Variants in MARCHF11 observed in about 807,000 individuals in gnomAD.
MARCHF11 encodes the protein E3 ubiquitin-protein ligase MARCHF11.
A neutral mutation model predicts 37.3 loss-of-function variants in MARCHF11; 29 were observed. The ratio of observed to expected loss-of-function variants is 0.78; its 90% CI spans 0.58 to 1.06. MARCHF11 has a LOEUF of 1.06. Ranked by LOEUF, MARCHF11 falls within the 50% of genes least tolerant of loss-of-function variation. The pLI, the probability that MARCHF11 is intolerant of heterozygous loss-of-function variation, is 0.00. For missense variants in MARCHF11, 482 were observed against 533.4 expected (o/e 0.90, Z 0.95); for synonymous variants, 233 against 228.0 (o/e 1.02, Z -0.20).
chr5:16,167,505 A>T (rs575586717), intron 2 of MARCHF11, among the ~76,000 whole-genome samples: 1 of 152,094 alleles, frequency 6.6e-6, no homozygotes, highest in Non-Finnish European at 1.5e-5. Flanking sequence ...CTTTGAACTG[A>T]CTGGCTGCAG....
intron 3 of MARCHF11, among the ~76,000 whole-genome samples, chr5:16,076,103 C>A (rs1356045587): frequency 6.6e-6 from 1 of 152,190 alleles, no homozygotes; most frequent in Non-Finnish European, 1.5e-5. Context: ...ATTCCTCTGA[C>A]CTCTTGCTTT....
chr5:16,123,437 T>C (rs952140382), intron 2 of MARCHF11, among the ~76,000 whole-genome samples: 38 of 152,278 alleles, frequency 2.5e-4, no homozygotes, highest in Non-Finnish European at 4.3e-4. Flanking sequence ...TGCTGACACC[T>C]TGACCTCTGA....
At chr5:16,102,562 G>A (rs1451634280) in intron 2 of MARCHF11, among the ~76,000 whole-genome samples, 1 of 152,186 alleles carries the variant, frequency 6.6e-6, no homozygotes, top group East Asian at 1.9e-4. Context: ...ACTATGGCCA[G>A]AGGAGAGTTC....
intron 2 of MARCHF11, among the ~76,000 whole-genome samples, chr5:16,100,747 T>C (rs953948617): frequency 6.6e-6 from 1 of 152,164 alleles, no homozygotes; most frequent in East Asian, 1.9e-4. Flanking sequence ...GGAAGGTATA[T>C]CAGAGCAGCA....
intron 1 of MARCHF11, among the ~76,000 whole-genome samples, 163 bp downstream of exon 1, chr5:16,178,876 G>C (rs1738409880): frequency 1.3e-5 from 2 of 152,232 alleles, no homozygotes; most frequent in African/African-American, 4.8e-5. Context: ...TCACAGGAAG[G>C]GAAAGGGGAA....
intron 2 of MARCHF11, among the ~76,000 whole-genome samples, chr5:16,123,985 C>T (rs573380746): frequency 5.0e-4 from 75 of 151,082 alleles, no homozygotes; most frequent in African/African-American, 1.8e-3. Flanking sequence ...CACTACCTTC[C>T]TCCAAAAAAA....
intron 2 of MARCHF11, among the ~76,000 whole-genome samples, chr5:16,134,630 C>G (rs1307652507): frequency 1.3e-5 from 2 of 152,152 alleles, no homozygotes; most frequent in Non-Finnish European, 2.9e-5. Context: ...AAAAAATTAT[C>G]ATGTTCTTTC....
At position 16,100,536 on chromosome 5, in the gene MARCHF11, TG is replaced by T. The variant is rs1449173892; in HGVS notation, c.694-9456del. Among the ~76,000 whole-genome samples, 181 of 151,996 alleles carry T rather than the reference TG, an allele frequency of 1.2e-3. 3 individuals carry two copies. The highest frequency in any genetic ancestry group is 4.3e-3 in the African/African-American group (178 of 41,446). The stretch of plus-strand genomic sequence containing the variant: ...GAGCCCAGTGATGTGGAGTGGAGAG[TG>T]ACTCTAAATGGCAGAGGTAGCTGTA... On this transcript the variant is annotated intron_variant, in intron 2 of 3. Transcript: ENST00000332432.
chr5:16,116,792 T>C (rs1028719216), intron 2 of MARCHF11, among the ~76,000 whole-genome samples: 1 of 152,196 alleles, frequency 6.6e-6, no homozygotes, highest in Admixed American at 6.5e-5. Context: ...AAATGGGATT[T>C]GGGGAAAATG....
chr5:16,179,749 G>C lies in MARCHF11; in HGVS notation c.-174C>G. 1 of 331,800 alleles carries C rather than the reference G, an allele frequency of 3.0e-6. No homozygotes were observed. 20.6% of individuals were successfully genotyped at this position (331,800 alleles called of 1,614,324 possible). A position where few individuals can be genotyped will look rare whatever the true frequency, so the allele number is the denominator to read the frequency against. On this transcript the variant is annotated 5_prime_UTR_variant, in exon 1 of 4. Coordinates refer to ENST00000332432, the MANE Select transcript of MARCHF11 (RefSeq NM_001102562.3). ...ATGCGGAAGGTTCTGCAGCTGCGGCGGCGGCAGGCGCGGCCGTTCGGTGGA... is the reference window on the plus strand; with the variant it reads ...ATGCGGAAGGTTCTGCAGCTGCGGCCGCGGCAGGCGCGGCCGTTCGGTGGA...
chr5:16,116,274 T>C (rs1204197318), intron 2 of MARCHF11, among the ~76,000 whole-genome samples: 1 of 152,136 alleles, frequency 6.6e-6, no homozygotes, highest in Admixed American at 6.5e-5. Context: ...TCAATTTCTG[T>C]GAAATCAAAC....
At chr5:16,156,316 T>C (rs1737977153) in intron 2 of MARCHF11, among the ~76,000 whole-genome samples, 1 of 151,924 alleles carries the variant, frequency 6.6e-6, no homozygotes, top group South Asian at 2.1e-4. Flanking sequence ...TGACTCACAA[T>C]TGATAAGAAA....
At chr5:16,098,926 CTG>C (rs1736913228) in intron 2 of MARCHF11, among the ~76,000 whole-genome samples, 1 of 152,008 alleles carries the variant, frequency 6.6e-6, no homozygotes, top group Non-Finnish European at 1.5e-5. Flanking sequence ...AATCTACAAA[CTG>C]TTGTTAGATA....
intron 2 of MARCHF11, among the ~76,000 whole-genome samples, chr5:16,158,139 C>T (rs1409888439): frequency 6.6e-6 from 1 of 151,860 alleles, no homozygotes; most frequent in Non-Finnish European, 1.5e-5. Context: ...TCGCCTCACA[C>T]CTGTTAGAAT....
intron 2 of MARCHF11, among the ~76,000 whole-genome samples, chr5:16,104,003 T>C (rs1560975610): frequency 6.6e-6 from 1 of 152,130 alleles, no homozygotes. Flanking sequence ...GACCATAAAA[T>C]TGTGAGCAAA....
At chr5:16,111,301 C>T (rs1196829572) in intron 2 of MARCHF11, among the ~76,000 whole-genome samples, 1 of 152,146 alleles carries the variant, frequency 6.6e-6, no homozygotes, top group African/African-American at 2.4e-5. Flanking sequence ...TTCCTAGAGA[C>T]TTGTTGAATG....
chr5:16,162,034 T>A (rs1427979878), intron 2 of MARCHF11, among the ~76,000 whole-genome samples: 1 of 152,048 alleles, frequency 6.6e-6, no homozygotes, highest in Non-Finnish European at 1.5e-5. Flanking sequence ...TAAAAATAAT[T>A]ATAGTCCAGG....
chr5:16,103,340 T>C (rs1560975453), intron 2 of MARCHF11, among the ~76,000 whole-genome samples: 1 of 152,140 alleles, frequency 6.6e-6, no homozygotes, highest in Admixed American at 6.5e-5. Context: ...GAGAAGTATG[T>C]GCACAGGACG....
chr5:16,067,619 C>A lies in MARCHF11; in HGVS notation c.1061G>T (p.Arg354Ile), dbSNP rs941689859. 6.2e-7 allele frequency: 1 copy of A among 1,613,998 alleles called. No homozygotes were observed. The highest frequency in any genetic ancestry group is 8.5e-7 in the Non-Finnish European group (1 of 1,179,868). The stretch of plus-strand genomic sequence containing the variant: ...TAACTGAGTTGGGTGGACCAAGTTT[C>A]TGTTCCGCAGAGCTGTCAATGGCAA... ...LWLPLTALRN[R>I]NLVHPTQLTS... Residue 354 changes from arginine to isoleucine, a missense_variant, in exon 4 of 4, where the codon AGA becomes ATA. By Grantham distance (97) the Arg-to-Ile change is moderately conservative. Coordinates refer to ENST00000332432, the MANE Select transcript of MARCHF11 (RefSeq NM_001102562.3).
Sources: allele counts gnomAD v4.1 joint callset (sites outside exome capture counted in the v4.1 genomes callset), GRCh38; gene constraint gnomAD v4.1.1; transcripts MANE v1.5; gene names NCBI Gene and HGNC (gene_info 2026-07-23, HGNC 2026-07-21).